DIPK1A: variants seen among roughly 807,000 people sequenced by gnomAD.
DIPK1A encodes divergent protein kinase domain 1A.
Under a neutral mutation model 40.8 loss-of-function variants are expected in DIPK1A, and 27 were observed. The ratio of observed to expected loss-of-function variants is 0.66; its 90% CI spans 0.49 to 0.91. DIPK1A has a LOEUF of 0.91. Ranked by LOEUF, DIPK1A falls within the 40% of genes least tolerant of loss-of-function variation. The pLI is 0.00. For missense variants in DIPK1A, 412 were observed against 505.7 expected (o/e 0.81, Z 1.78); for synonymous variants, 166 against 171.3 (o/e 0.97, Z 0.24).
At position 92,938,804 on chromosome 1, in the gene DIPK1A, G is replaced by A. The variant is rs139266531; in HGVS notation, c.54+22572C>T. Among the ~76,000 whole-genome samples the A allele has an allele frequency of 3.4e-3, 518 of 152,278 alleles. 3 individuals are homozygous for A. The highest frequency in any genetic ancestry group is 0.012 in the African/African-American group (488 of 41,556). ...TAAATGAAAAAAATAAGGGTCAGAA[G>A]GACAAAGGAGCTTGACACAAGTCAA... On this transcript the variant is annotated intron_variant, in intron 1 of 4. Coordinates refer to ENST00000370310, the MANE Select transcript of DIPK1A (RefSeq NM_001006605.5).
intron 2 of DIPK1A, among the ~76,000 whole-genome samples, chr1:92,872,101 A>G (rs1647900660): frequency 1.1e-5 from 1 of 91,230 alleles, no homozygotes. Context: ...TTTTTTTGAG[A>G]CAGAGTCTCC....
chr1:92,863,137 C>T (rs1647353830), intron 2 of DIPK1A, among the ~76,000 whole-genome samples: 1 of 152,174 alleles, frequency 6.6e-6, no homozygotes, highest in Non-Finnish European at 1.5e-5. Context: ...TGTGCTCCTC[C>T]TTTTTATTTT....
At chr1:92,936,183 G>C (rs1650939092) in intron 1 of DIPK1A, among the ~76,000 whole-genome samples, 1 of 152,210 alleles carries the variant, frequency 6.6e-6, no homozygotes, top group Admixed American at 6.5e-5. Context: ...GCTCTGCATA[G>C]AGTCAGCAAG....
At chr1:92,939,764 G>A (rs950403686) in intron 1 of DIPK1A, among the ~76,000 whole-genome samples, 2 of 152,136 alleles carry the variant, frequency 1.3e-5, no homozygotes, top group Non-Finnish European at 2.9e-5. Context: ...GACCAGCCTG[G>A]CCAACATAGT....
At chr1:92,837,715 C>T (rs1438586282), downstream of DIPK1A, 3 of 1,108,338 alleles carry the variant, frequency 2.7e-6, no homozygotes, top group African/African-American at 4.7e-5. Context: ...AGGTAACATT[C>T]TTATATAGGT....
At chr1:92,892,258 A>G (rs1248921251) in intron 1 of DIPK1A, among the ~76,000 whole-genome samples, 4 of 152,064 alleles carry the variant, frequency 2.6e-5, no homozygotes, top group Non-Finnish European at 4.4e-5. Context: ...GGCACCCCGC[A>G]GTAGGGGCAG....
chr1:92,850,806 A>C (rs1201376228), intron 3 of DIPK1A, 42 bp downstream of exon 3: 1 of 1,208,654 alleles, frequency 8.3e-7, no homozygotes, highest in South Asian at 1.4e-5. Flanking sequence ...GTAAAATTAG[A>C]GTACACTATA....
intron 1 of DIPK1A, among the ~76,000 whole-genome samples, chr1:92,921,095 GT>G (rs1650252430): frequency 1.3e-5 from 2 of 152,126 alleles, no homozygotes; most frequent in Non-Finnish European, 2.9e-5. Flanking sequence ...GAGGAAGCCG[GT>G]TTCCACAGTT....
In DIPK1A at chr1:92,898,926, C is replaced by T. The variant is rs921566635; in HGVS notation, c.55-22496G>A. On this transcript the variant is annotated intron_variant, in intron 1 of 4. Coordinates refer to ENST00000370310, the MANE Select transcript of DIPK1A (RefSeq NM_001006605.5). ...CACAGACATGTGCCACCATGCCTGGCTATTTTGCTTTTTAATGTTTTTGTA... is the reference window on the plus strand; with the variant it reads ...CACAGACATGTGCCACCATGCCTGGTTATTTTGCTTTTTAATGTTTTTGTA... Among the ~76,000 whole-genome samples the T allele has an allele frequency of 5.3e-5, 8 of 152,180 alleles. No individual in the cohort carries two copies. In the South Asian group the frequency reaches 8.3e-4, roughly 16 times the overall value.
Position 92,876,319 on chromosome 1 carries a change from CT to C in DIPK1A, c.165del (p.Gly56GlufsTer7). On this transcript the variant is annotated frameshift_variant, in exon 2 of 5. Transcript: ENST00000370310. LOFTEE classifies it high-confidence loss of function. The stretch of plus-strand genomic sequence containing the variant: ...ACTATTATTTTCTTACAGTCCTTTC[CT>C]CTGCATAATTCTGTATAGGTAGAAT... ...VQYSTYTELC[R>X]GKDCKKIICD... 1.9e-6 allele frequency: 3 copies of C among 1,574,676 alleles called. No individual in the cohort carries two copies. The highest frequency in any genetic ancestry group is 2.6e-6 in the Non-Finnish European group (3 of 1,157,580).
chr1:92,890,587 C>T (rs926243656), intron 1 of DIPK1A, among the ~76,000 whole-genome samples: 4 of 151,998 alleles, frequency 2.6e-5, no homozygotes, highest in Non-Finnish European at 5.9e-5. Flanking sequence ...AGGTTTTTGT[C>T]TTTGGTTCTG....
chr1:92,837,737 C>T (rs1055372293), downstream of DIPK1A: 4 of 887,174 alleles, frequency 4.5e-6, no homozygotes, highest in African/African-American at 5.0e-5. Flanking sequence ...TGTTTCTTGA[C>T]AACATGAGCT....
At chr1:92,881,326 CAAAA>C (rs3042466) in intron 1 of DIPK1A, among the ~76,000 whole-genome samples, 3,241 of 112,804 alleles carry the variant, frequency 0.029, 90 homozygotes, top group African/African-American at 0.078. Context: ...GACTCTGTCT[CAAAA>C]AAAAAAAAAA....
intron 1 of DIPK1A, among the ~76,000 whole-genome samples, chr1:92,907,934 C>T (rs1649687786): frequency 6.6e-6 from 1 of 151,988 alleles, no homozygotes; most frequent in Admixed American, 6.6e-5. Context: ...TGGCATGATC[C>T]CAGTTCACTG....
Position 92,847,337 on chromosome 1 carries a change from T to C in DIPK1A, c.320A>G (p.Asn107Ser). 3 of 1,608,568 alleles carry C rather than the reference T, an allele frequency of 1.9e-6. No homozygotes were observed. Among genetic ancestry groups the C allele is most frequent in the Admixed American group, 1.7e-5 (1 of 59,320 alleles). The change falls in exon 4 of 5, where the codon AAT (asparagine) becomes AGT (serine). Residue 107 changes from asparagine to serine, a missense_variant. Coordinates refer to ENST00000370310, the MANE Select transcript of DIPK1A (RefSeq NM_001006605.5). ...NNQMYLGIWD[N>S]LPGVVKCQME... is the part of the protein sequence containing the mutation. ...TTGACATTTCACAACACCTGGTAGA[T>C]TATCCCAAATCCCTAAATACATCTA...
chr1:92,834,826 T>C (rs900660871), intron 4 of DIPK1A: 5 of 1,612,212 alleles, frequency 3.1e-6, no homozygotes, highest in Non-Finnish European at 4.2e-6. Context: ...GCGCAGCGTA[T>C]GCACACGAAC....
At position 92,847,234 on chromosome 1, in the gene DIPK1A, A is replaced by G. The variant is rs776708463; in HGVS notation, c.423T>C (p.Thr141=). 3.7e-6 allele frequency: 6 copies of G among 1,606,656 alleles called. No homozygotes were observed. Among genetic ancestry groups the G allele is most frequent in the South Asian group, 2.2e-5 (2 of 89,862 alleles). ...TAAATTTTTGTACAGTAGTTCCTCT[A>G]GTTGGCTTATCAAATAGCACTATTT... is the stretch of plus-strand genomic sequence containing the variant. The part of the protein sequence containing the change: ...RKEIVLFDKP[T]RGTTVQKFKE... Residue 141 remains threonine, a synonymous_variant, in exon 4 of 5, where the codon ACT becomes ACC. Transcript: ENST00000370310.
chr1:92,837,248 A>G (rs773299185), downstream of DIPK1A: 2 of 748,722 alleles, frequency 2.7e-6, no homozygotes, highest in South Asian at 1.4e-5. Flanking sequence ...AGGTTTTTGT[A>G]GCATGAATTT....
intron 1 of DIPK1A, among the ~76,000 whole-genome samples, chr1:92,877,383 A>C (rs1648177204): frequency 6.6e-6 from 1 of 152,244 alleles, no homozygotes. Context: ...AACAATGAAA[A>C]GCTAGTTTTG....
Sources: gnomAD v4.1 joint callset for allele counts (sites outside exome capture counted in the v4.1 genomes callset) on GRCh38, gnomAD v4.1.1 for gene constraint, MANE v1.5 for transcripts, NCBI Gene and HGNC (gene_info 2026-07-23, HGNC 2026-07-21) for gene names.